Variants in DUSP8 observed in about 807,000 individuals in gnomAD.
DUSP8 encodes dual specificity phosphatase 8.
DUSP8 carries 15 observed loss-of-function variants against 38.7 expected under a neutral mutation model. That is an observed-to-expected ratio of 0.39 (90% confidence interval 0.26 to 0.60). The LOEUF is 0.60. Among genes scored for constraint, DUSP8 ranks in the 20% least tolerant of loss-of-function variants. DUSP8 has a pLI of 0.56. For synonymous variants in DUSP8, 458 were observed against 433.9 expected (o/e 1.06, Z -0.69); for missense variants, 768 against 915.0 (o/e 0.84, Z 2.07).
Position 1,557,222 on chromosome 11 carries a change from G to T in DUSP8, c.1174C>A (p.Arg392Ser). 6.7e-7 allele frequency: 1 copy of T among 1,496,786 alleles called. No individual in the cohort carries two copies. The highest frequency in any genetic ancestry group is 1.5e-5 in the African/African-American group (1 of 68,270). The allele number at this position is 1,496,786 out of a possible 1,614,324, so 92.7% of individuals were successfully genotyped here. A position where few individuals can be genotyped will look rare whatever the true frequency, so the allele number is the denominator to read the frequency against. Residue 392 changes from arginine (R) to serine (S), a missense_variant, in exon 7 of 7, where the codon CGC (arginine) becomes AGC (serine). Around this residue, in one of 3 missense-constraint regions of DUSP8, gnomAD observed 474 missense variants for 430.8 expected, o/e 1.10. Coordinates refer to ENST00000397374, the MANE Select transcript of DUSP8 (RefSeq NM_004420.3). This position sits in a 1 kb window ranked among gnomAD's most constrained non-coding sequence, Gnocchi z 9.9. Reference sequence around the variant, plus strand: ...GACTTGATGTCCAGGGAGAAGGAGCGCTTGAGGCGGTTAGTGTCCTGCAGG... The same window carrying T: ...GACTTGATGTCCAGGGAGAAGGAGCTCTTGAGGCGGTTAGTGTCCTGCAGG... ...DRLQDTNRLK[R>S]SFSLDIKSAY...
chr11:1,558,282 G>T lies in DUSP8; in HGVS notation c.538-11C>A. ...TTGCGTCATCAGATCCTGGAGGGGC[G>T]GGAGGGCGGGTTGGAAAGGGGTGGG... is the stretch of plus-strand genomic sequence containing the variant. On this transcript the variant is annotated splice_polypyrimidine_tract_variant and intron_variant, in intron 4 of 6. Transcript: ENST00000397374. This position sits in a 1 kb window ranked among gnomAD's most constrained non-coding sequence, Gnocchi z 6.3. 8 of 1,364,290 alleles carry T rather than the reference G, an allele frequency of 5.9e-6. No individual in the cohort carries two copies. Among genetic ancestry groups the T allele is most frequent in the East Asian group, 2.4e-5 (1 of 41,082 alleles). 84.5% of individuals were successfully genotyped at this position (1,364,290 alleles called of 1,614,324 possible). A position where few individuals can be genotyped will look rare whatever the true frequency, so the allele number is the denominator to read the frequency against.
intron 1 of DUSP8, among the ~76,000 whole-genome samples, chr11:1,569,472 T>A (rs1401262353): frequency 6.6e-6 from 1 of 151,994 alleles, no homozygotes. Context: ...TACCCACGCG[T>A]GAATATGTGC....
At position 1,558,596 on chromosome 11, in the gene DUSP8, G is replaced by A. The variant is rs1848671937; in HGVS notation, c.537+293C>T. On this transcript the variant is annotated intron_variant, in intron 4 of 6. Coordinates refer to ENST00000397374, the MANE Select transcript of DUSP8 (RefSeq NM_004420.3). The surrounding 1 kb of genome is among the most constrained non-coding windows in gnomAD (Gnocchi z 6.3). ...CCTCGTCACCATTTTTAAAACATGGGATTCTTTCAGAGCTGGCCAGAGGCC... is the reference window on the plus strand; with the variant it reads ...CCTCGTCACCATTTTTAAAACATGGAATTCTTTCAGAGCTGGCCAGAGGCC... 6.6e-6 allele frequency among the ~76,000 whole-genome samples: 1 copy of A among 152,142 alleles called. No homozygotes were observed. Among genetic ancestry groups the A allele is most frequent in the African/African-American group, 2.4e-5 (1 of 41,444 alleles).
rs1395971260 is a variant in DUSP8, at chr11:1,556,938, G to C, written c.1458C>G (p.His486Gln). ...CGGGCGCCGACAGGGCCGAGAGGCCGTGCCGCGGAGTCTGCCGGGCCGCAT... is the reference window on the plus strand; with the variant it reads ...CGGGCGCCGACAGGGCCGAGAGGCCCTGCCGCGGAGTCTGCCGGGCCGCAT... Reference protein sequence around the residue: ...FGDAARQTPRHGLSALSAPGL... With the variant: ...FGDAARQTPRQGLSALSAPGL... Residue 486 changes from histidine to glutamine, a missense_variant, in exon 7 of 7, where the codon CAC becomes CAG. Physicochemically the swap from His to Gln is conservative, Grantham distance 24 (BLOSUM62 0). This residue lies in a region of DUSP8 where 474 missense variants were observed against 430.8 expected (regional missense o/e 1.10). Transcript: ENST00000397374. This position sits in a 1 kb window ranked among gnomAD's most constrained non-coding sequence, Gnocchi z 5.2. 1.9e-6 allele frequency: 2 copies of C among 1,076,504 alleles called. No homozygotes were observed. Among genetic ancestry groups the C allele is most frequent in the Non-Finnish European group, 2.2e-6 (2 of 889,956 alleles). 66.7% of individuals were successfully genotyped at this position (1,076,504 alleles called of 1,614,324 possible).
chr11:1,559,449 G>A, intron 3 of DUSP8: 2 of 206,096 alleles, frequency 9.7e-6, no homozygotes, highest in Non-Finnish European at 1.9e-5. Context: ...ACAGCCCAGA[G>A]GAGAGGCCCT....
chr11:1,565,859 C>T lies in DUSP8; in HGVS notation c.-33G>A. 1 of 1,572,134 alleles carries T rather than the reference C, an allele frequency of 6.4e-7. No individual in the cohort carries two copies. ...CAATGGGTGCTGGGGAGGGTGACCC[C>T]TGAAGTGAGGAGGGGCTGCTCCGAC... is the stretch of plus-strand genomic sequence containing the variant. On this transcript the variant is annotated 5_prime_UTR_variant, in exon 2 of 7. Transcript: ENST00000397374.
In DUSP8 at chr11:1,555,043, C is replaced by T. The variant is rs1848600889; in HGVS notation, c.*1475G>A. The T allele has an allele frequency of 2.0e-6, 2 of 986,278 alleles. No homozygotes were observed. The highest frequency in any genetic ancestry group is 2.4e-6 in the Non-Finnish European group (2 of 830,146). 61.1% of individuals were successfully genotyped at this position (986,278 alleles called of 1,614,324 possible). On this transcript the variant is annotated 3_prime_UTR_variant, in exon 7 of 7. Coordinates refer to ENST00000397374, the MANE Select transcript of DUSP8 (RefSeq NM_004420.3). The stretch of plus-strand genomic sequence containing the variant: ...GCGCCTCCCTGGCCCTGCTCCAGGA[C>T]TCAGGACTGGGTCCTGCCCTGGGCT...
Position 1,562,691 on chromosome 11 carries a change from GCA to G in DUSP8, c.370+1158_370+1159del, listed in dbSNP as rs35314980. Reference sequence around the variant, plus strand: ...TGCACACACATACATGCATGCACATGCACACACACACATACATGCACACACAT... The same window carrying G: ...TGCACACACATACATGCATGCACATGCACACACACATACATGCACACACAT... On this transcript the variant is annotated intron_variant, in intron 3 of 6. Coordinates refer to ENST00000397374, the MANE Select transcript of DUSP8 (RefSeq NM_004420.3). Among the ~76,000 whole-genome samples the G allele has an allele frequency of 6.6e-5, 10 of 150,962 alleles. No individual in the cohort carries two copies. In the South Asian group the frequency reaches 1.5e-3, roughly 22 times the overall value.
intron 1 of DUSP8, among the ~76,000 whole-genome samples, chr11:1,568,753 C>A (rs889519851): frequency 1.3e-5 from 2 of 152,226 alleles, no homozygotes; most frequent in African/African-American, 4.8e-5. Flanking sequence ...ATGCTCCCTG[C>A]AGCTCGCCGG....
At chr11:1,569,980 C>T (rs1217483240) in intron 1 of DUSP8, among the ~76,000 whole-genome samples, 1 of 152,204 alleles carries the variant, frequency 6.6e-6, no homozygotes, top group Admixed American at 6.5e-5. Flanking sequence ...ACTGGGCTCC[C>T]CCAGATGCCC....
chr11:1,561,488 G>A (rs754807869), intron 3 of DUSP8, among the ~76,000 whole-genome samples: 1 of 152,234 alleles, frequency 6.6e-6, no homozygotes, highest in Non-Finnish European at 1.5e-5. Context: ...GTCCAAGGCC[G>A]ACTGCGGGCC....
At chr11:1,572,488 A>G (rs1848923179), upstream of DUSP8, among the ~76,000 whole-genome samples, 3 of 148,020 alleles carry the variant, frequency 2.0e-5, no homozygotes, top group East Asian at 6.2e-4. This position sits in a 1 kb window ranked among gnomAD's most constrained non-coding sequence, Gnocchi z 4.7. Flanking sequence ...TTCCGCCCTC[A>G]CCCCGGGACC....
chr11:1,564,048 G>A (rs1427915400), intron 2 of DUSP8, 59 bp from the exon 3 acceptor site: 19 of 1,370,722 alleles, frequency 1.4e-5, no homozygotes, highest in Middle Eastern at 1.9e-4. Flanking sequence ...CCCTGGCCCC[G>A]TCCCAGATAT....
At position 1,557,662 on chromosome 11, in the gene DUSP8, C is replaced by A. The variant is rs576750165; in HGVS notation, c.822-88G>T. ...CGCTGGGCACCCACGAGCTCATGTG[C>A]GCCAGGCTGGTCTCAGGCCCTCCTC... On this transcript the variant is annotated intron_variant, in intron 6 of 6. Coordinates refer to ENST00000397374, the MANE Select transcript of DUSP8 (RefSeq NM_004420.3). The surrounding 1 kb of genome is among the most constrained non-coding windows in gnomAD (Gnocchi z 9.9). The A allele has an allele frequency of 1.9e-6, 3 of 1,546,116 alleles. No individual in the cohort carries two copies. Among genetic ancestry groups the A allele is most frequent in the Non-Finnish European group, 1.7e-6 (2 of 1,146,466 alleles).
Position 1,555,073 on chromosome 11 carries a change from C to T in DUSP8, c.*1445G>A, listed in dbSNP as rs560825816. The T allele has an allele frequency of 4.1e-6, 4 of 986,814 alleles. No homozygotes were observed. In the African/African-American group the frequency reaches 7.0e-5, roughly 17 times the overall value. The allele number at this position is 986,814 out of a possible 1,614,324, so 61.1% of individuals were successfully genotyped here. A position where few individuals can be genotyped will look rare whatever the true frequency, so the allele number is the denominator to read the frequency against. ...GACTGGGTCCTGCCCTGGGCTGCCT[C>T]TCCGGCCAAGCCCCTGGCCTCTTCC... On this transcript the variant is annotated 3_prime_UTR_variant, in exon 7 of 7. Transcript: ENST00000397374.
chr11:1,564,117 G>T lies in DUSP8; in HGVS notation c.232-128C>A, dbSNP rs1053664977. The stretch of plus-strand genomic sequence containing the variant: ...ATGGGAGGCAGGCAGCTGTCACCTT[G>T]CTGCCTGGAGGGGAGGGCAGGTGCA... On this transcript the variant is annotated intron_variant, in intron 2 of 6. Transcript: ENST00000397374. 4.2e-6 allele frequency: 5 copies of T among 1,196,562 alleles called. No individual in the cohort carries two copies. The African/African-American group carries it at 4.7e-5, about 11-fold the overall frequency. The allele number at this position is 1,196,562 out of a possible 1,614,324, so 74.1% of individuals were successfully genotyped here.
chr11:1,559,778 G>C (rs1429283232), intron 3 of DUSP8, among the ~76,000 whole-genome samples: 1 of 152,188 alleles, frequency 6.6e-6, no homozygotes, highest in Non-Finnish European at 1.5e-5. Flanking sequence ...CACGTGACCA[G>C]CGTGTGCTGC....
At position 1,558,288 on chromosome 11, in the gene DUSP8, G is replaced by T. The variant is rs754124356; in HGVS notation, c.538-17C>A. 18 of 545,036 alleles carry T rather than the reference G, an allele frequency of 3.3e-5. No individual in the cohort carries two copies. The highest frequency in any genetic ancestry group is 5.3e-5 in the Non-Finnish European group (15 of 280,864). The allele number at this position is 545,036 out of a possible 1,614,324, so 33.8% of individuals were successfully genotyped here. ...CATCAGATCCTGGAGGGGCGGGAGGGCGGGTTGGAAAGGGGTGGGAGAAGC... is the reference window on the plus strand; with the variant it reads ...CATCAGATCCTGGAGGGGCGGGAGGTCGGGTTGGAAAGGGGTGGGAGAAGC... On this transcript the variant is annotated splice_polypyrimidine_tract_variant and intron_variant, in intron 4 of 6. Coordinates refer to ENST00000397374, the MANE Select transcript of DUSP8 (RefSeq NM_004420.3). The surrounding 1 kb of genome is among the most constrained non-coding windows in gnomAD (Gnocchi z 6.3).
intron 3 of DUSP8, among the ~76,000 whole-genome samples, chr11:1,559,718 A>T (rs1275176925): frequency 6.6e-6 from 1 of 152,104 alleles, no homozygotes; most frequent in African/African-American, 2.4e-5. Context: ...GAGAGTGGAG[A>T]AGCCCGGGGC....
Sources: allele counts gnomAD v4.1 joint callset (sites outside exome capture counted in the v4.1 genomes callset), GRCh38; gene constraint gnomAD v4.1.1; regional missense constraint gnomAD v4.1.1; non-coding constraint Gnocchi (gnomAD v3.1); transcripts MANE v1.5; gene names NCBI Gene and HGNC (gene_info 2026-07-23, HGNC 2026-07-21).